Variants in NLRP9 observed in about 807,000 individuals in gnomAD.
The protein encoded by NLRP9 is NACHT, LRR and PYD domains-containing protein 9.
In NLRP9, 88 loss-of-function variants were observed where a neutral mutation model predicts 83.1. The ratio of observed to expected loss-of-function variants is 1.06; its 90% CI spans 0.89 to 1.26. The LOEUF (loss-of-function observed/expected upper bound fraction) is 1.26. Ranked by LOEUF, NLRP9 falls within the 50% of genes most tolerant of loss-of-function variation. NLRP9 has a pLI of 0.00. For missense variants in NLRP9, 1,308 were observed against 1,179.3 expected (o/e 1.11, Z -1.60); for synonymous variants, 521 against 447.6 (o/e 1.16, Z -2.07).
intron 3 of NLRP9, among the ~76,000 whole-genome samples, chr19:55,729,039 TTTTTC>T (rs1348753218): frequency 5.1e-4 from 66 of 129,100 alleles, no homozygotes; most frequent in Non-Finnish European, 8.4e-4. Flanking sequence ...GCTTATCTTA[TTTTTC>T]TTTTTCTTTT....
chr19:55,723,114 G>GT (rs1230418799), intron 4 of NLRP9, among the ~76,000 whole-genome samples: 1 of 152,046 alleles, frequency 6.6e-6, no homozygotes, highest in Non-Finnish European at 1.5e-5. Context: ...TCTGCACGTT[G>GT]TACACATGTA....
At chr19:55,717,970 A>T (rs1237951876) in intron 4 of NLRP9, among the ~76,000 whole-genome samples, 1 of 152,206 alleles carries the variant, frequency 6.6e-6, no homozygotes, top group Non-Finnish European at 1.5e-5. Context: ...AAGACATAAG[A>T]AACTCCACTT....
Position 55,711,579 on chromosome 19 carries a change from G to A in NLRP9, c.2843+221C>T, listed in dbSNP as rs781037079. On this transcript the variant is annotated intron_variant, in intron 8 of 8. Coordinates refer to ENST00000332836, the MANE Select transcript of NLRP9 (RefSeq NM_176820.4). The stretch of plus-strand genomic sequence containing the variant: ...CTCTTTTTGATTGTCACAACTGAGG[G>A]AAGTGCTACTGGCAACTCATGAGAA... 26 of 951,206 alleles carry A rather than the reference G, an allele frequency of 2.7e-5. 1 individual carries two copies. The South Asian group carries it at 3.5e-4, about 13-fold the overall frequency. 58.9% of individuals were successfully genotyped at this position (951,206 alleles called of 1,614,324 possible).
Position 55,732,697 on chromosome 19 carries a change from T to G in NLRP9, c.1134A>C (p.Ala378=). The G allele has an allele frequency of 6.2e-7, 1 of 1,614,194 alleles. No homozygotes were observed. The highest frequency in any genetic ancestry group is 8.5e-7 in the Non-Finnish European group (1 of 1,180,036). Residue 378 remains alanine (A), a synonymous_variant, in exon 2 of 9, where the codon GCA becomes GCC. Coordinates refer to ENST00000332836, the MANE Select transcript of NLRP9 (RefSeq NM_176820.4). ...YASFLTTVFK[A]GSQSFPPKVN... is the part of the protein sequence containing the mutation. ...CCTTAGGTGGAAAACTCTGACTTCC[T>G]GCTTTGAATACAGTTGTTAAAAAGG...
At chr19:55,736,898 A>C (rs1600145137) in intron 1 of NLRP9, among the ~76,000 whole-genome samples, 1 of 152,128 alleles carries the variant, frequency 6.6e-6, no homozygotes, top group African/African-American at 2.4e-5. Flanking sequence ...TCCAAACCAA[A>C]TAAAATACCC....
chr19:55,734,340 G>T (rs1433664187), intron 1 of NLRP9, among the ~76,000 whole-genome samples: 5 of 124,036 alleles, frequency 4.0e-5, no homozygotes, highest in Non-Finnish European at 1.6e-5. Context: ...CTCAAGCCTG[G>T]GCAACAGCCT....
chr19:55,711,610 G>T, intron 8 of NLRP9, 190 bp downstream of exon 8: 1 of 879,266 alleles, frequency 1.1e-6, no homozygotes. Flanking sequence ...GAGAAAGGCC[G>T]AGAATGTTGC....
At chr19:55,716,944 G>A (rs749608679) in intron 4 of NLRP9, 46 bp from the exon 5 acceptor site, 68 of 1,536,292 alleles carry the variant, frequency 4.4e-5, no homozygotes, top group Middle Eastern at 3.4e-4. Context: ...GCTTTCAATC[G>A]CTCATGAAAC....
In NLRP9 at chr19:55,730,076, A is replaced by G. The variant is rs918236200; in HGVS notation, c.1833-84T>C. 5 of 1,252,190 alleles carry G rather than the reference A, an allele frequency of 4.0e-6. No individual in the cohort carries two copies. In the African/African-American group the frequency reaches 7.5e-5, roughly 19 times the overall value. The allele number at this position is 1,252,190 out of a possible 1,614,324, so 77.6% of individuals were successfully genotyped here. ...AAAACAGGTCGAACACCATTTCCAAAGCACCTCAAAGCTGACAGACACCCA... is the reference window on the plus strand; with the variant it reads ...AAAACAGGTCGAACACCATTTCCAAGGCACCTCAAAGCTGACAGACACCCA... On this transcript the variant is annotated intron_variant, in intron 2 of 8. Transcript: ENST00000332836.
At position 55,736,753 on chromosome 19, in the gene NLRP9, G is replaced by C. The variant is rs778281693; in HGVS notation, c.280+1342C>G. On this transcript the variant is annotated intron_variant, in intron 1 of 8. Transcript: ENST00000332836. ...GGAAGCTGAGGAAGGAGAATCGCTTGAACCTGGGAGGCAGAAGTTGCAGTG... is the reference window on the plus strand; with the variant it reads ...GGAAGCTGAGGAAGGAGAATCGCTTCAACCTGGGAGGCAGAAGTTGCAGTG... 6.9e-4 allele frequency among the ~76,000 whole-genome samples: 105 copies of C among 151,844 alleles called. 4 individuals are homozygous for C. The highest frequency in any genetic ancestry group is 1.8e-4 in the Non-Finnish European group (12 of 68,006).
At chr19:55,717,773 G>T (rs1476395541) in intron 4 of NLRP9, among the ~76,000 whole-genome samples, 1 of 152,164 alleles carries the variant, frequency 6.6e-6, no homozygotes, top group African/African-American at 2.4e-5. Context: ...GCTAGACACA[G>T]AGTTGATCGA....
chr19:55,734,720 C>G (rs762482231), intron 1 of NLRP9, among the ~76,000 whole-genome samples: 1 of 151,548 alleles, frequency 6.6e-6, no homozygotes, highest in Non-Finnish European at 1.5e-5. Context: ...CTGCAACCTC[C>G]GCCTCCTGGG....
chr19:55,709,858 T>C (rs1987636360), intron 8 of NLRP9: 1 of 152,144 alleles, frequency 6.6e-6, no homozygotes, highest in African/African-American at 2.4e-5. Flanking sequence ...AGTTCACAAA[T>C]AATTGGTAAG....
chr19:55,733,303 C>T lies in NLRP9; in HGVS notation c.528G>A (p.Lys176=). The T allele has an allele frequency of 5.6e-6, 9 of 1,614,000 alleles. No individual in the cohort carries two copies. Among genetic ancestry groups the T allele is most frequent in the Non-Finnish European group, 6.8e-6 (8 of 1,179,842 alleles). ...MLDWAEGNLW[K]DRFTFVFFLN... ...GGAAAAACACAAATGTGAACCTGTCCTTCCATAAGTTTCCCTCTGCCCAGT... is the reference window on the plus strand; with the variant it reads ...GGAAAAACACAAATGTGAACCTGTCTTTCCATAAGTTTCCCTCTGCCCAGT... The change falls in exon 2 of 9, where the codon AAG becomes AAA. Residue 176 remains lysine (K), a synonymous_variant. Transcript: ENST00000332836.
intron 3 of NLRP9, among the ~76,000 whole-genome samples, chr19:55,724,626 G>A (rs963810560): frequency 1.3e-5 from 2 of 151,418 alleles, no homozygotes; most frequent in African/African-American, 4.9e-5. Flanking sequence ...ATGTTATGTA[G>A]TGTCAAAAAA....
chr19:55,708,913 C>T lies in NLRP9; in HGVS notation c.2975G>A (p.Ter992=), dbSNP rs370051834. The T allele has an allele frequency of 1.9e-6, 3 of 1,539,392 alleles. No homozygotes were observed. The African/African-American group carries it at 4.3e-5, about 22-fold the overall frequency. ...EEYKIRGVLL[*] ...ACGACTACTTCAGGGTGTTCCCCAT[C>T]AGAGGAGCACACCCCTGATCTTGTA... Residue 992 remains the stop codon, a stop_retained_variant, in exon 9 of 9, where the codon TGA becomes TAA. Coordinates refer to ENST00000332836, the MANE Select transcript of NLRP9 (RefSeq NM_176820.4).
chr19:55,715,269 C>A, intron 5 of NLRP9, 44 bp from the exon 6 acceptor site: 1 of 1,521,550 alleles, frequency 6.6e-7, no homozygotes, highest in East Asian at 2.3e-5. Context: ...AACAGCAGTA[C>A]ATCATTCTGC....
At chr19:55,722,007 T>C (rs768383488) in intron 4 of NLRP9, among the ~76,000 whole-genome samples, 5 of 152,116 alleles carry the variant, frequency 3.3e-5, no homozygotes, top group Non-Finnish European at 5.9e-5. Flanking sequence ...ATACACTTGG[T>C]CTCTATCCAC....
rs764546747 is a variant in NLRP9, at chr19:55,729,873, C to T, written c.1952G>A (p.Cys651Tyr). 3.1e-6 allele frequency: 5 copies of T among 1,613,570 alleles called. No homozygotes were observed. The African/African-American group carries it at 6.7e-5, about 22-fold the overall frequency. The change falls in exon 3 of 9, where the codon TGC becomes TAC. Residue 651 changes from cysteine to tyrosine, a missense_variant. By Grantham distance (194) the Cys-to-Tyr change is radical. Coordinates refer to ENST00000332836, the MANE Select transcript of NLRP9 (RefSeq NM_176820.4). ...ACAAACAGGCTGAGCCAGCGCTTTG[C>T]AAAGAATCGCCAGGGAGGGATCATC... is the stretch of plus-strand genomic sequence containing the variant. ...SLDDPSLAILCKALAQPVCKL... is the reference protein window; with the variant it reads ...SLDDPSLAILYKALAQPVCKL...
Sources: allele counts gnomAD v4.1 joint callset (sites outside exome capture counted in the v4.1 genomes callset), GRCh38; gene constraint gnomAD v4.1.1; transcripts MANE v1.5; gene names NCBI Gene and HGNC (gene_info 2026-07-23, HGNC 2026-07-21).